The following KCNH5 variants were observed in gnomAD, a reference collection of about 807,000 sequenced individuals.
KCNH5 encodes the protein potassium voltage-gated channel subfamily H member 5.
In KCNH5, 46 loss-of-function variants were observed where a neutral mutation model predicts 96.1. The observed-to-expected ratio is 0.48, with a 90% CI of 0.38 to 0.61. The LOEUF is 0.61. KCNH5 is among the 20% of genes least tolerant of loss of function. KCNH5 has a pLI of 0.00. For missense variants in KCNH5, 907 were observed against 1,225.8 expected (o/e 0.74, Z 3.88); for synonymous variants, 439 against 449.8 (o/e 0.98, Z 0.30).
chr14:63,045,029 T>C, intron 1 of KCNH5, 85 bp downstream of exon 1: 2 of 1,094,858 alleles, frequency 1.8e-6, no homozygotes, highest in South Asian at 1.3e-5. Flanking sequence ...TCCTCCCCCC[T>C]TGGGAGAGGG....
chr14:62,847,585 A>T (rs1333146509), intron 8 of KCNH5, among the ~76,000 whole-genome samples: 1 of 152,206 alleles, frequency 6.6e-6, no homozygotes, highest in Non-Finnish European at 1.5e-5. Context: ...AAACAACTTT[A>T]AGGATTCCTC....
chr14:62,814,987 T>C (rs1157660613), intron 8 of KCNH5, among the ~76,000 whole-genome samples: 4 of 152,070 alleles, frequency 2.6e-5, no homozygotes, highest in Admixed American at 6.6e-5. Flanking sequence ...GGGTATAGCA[T>C]ATATACAGTG....
chr14:62,751,064 G>C (rs1057419272), intron 10 of KCNH5, among the ~76,000 whole-genome samples: 1 of 152,004 alleles, frequency 6.6e-6, no homozygotes, highest in African/African-American at 2.4e-5. Flanking sequence ...TTCAAAGTTT[G>C]GCATACTTTA....
At chr14:62,814,810 A>G (rs1417520789) in intron 8 of KCNH5, among the ~76,000 whole-genome samples, 2 of 149,644 alleles carry the variant, frequency 1.3e-5, no homozygotes, top group Non-Finnish European at 3.0e-5. Flanking sequence ...AAAAAAAAAA[A>G]AGAATGAGTC....
chr14:62,728,061 A>C (rs1884970864), intron 10 of KCNH5, among the ~76,000 whole-genome samples: 1 of 151,048 alleles, frequency 6.6e-6, no homozygotes, highest in African/African-American at 2.4e-5. Context: ...TATGTCTATC[A>C]GCAGAGTTTC....
intron 10 of KCNH5, among the ~76,000 whole-genome samples, chr14:62,713,092 C>T (rs1270055157): frequency 6.6e-6 from 1 of 152,110 alleles, no homozygotes; most frequent in Non-Finnish European, 1.5e-5. Context: ...TGCTATATCT[C>T]TAGTGTCTGT....
rs143482162 is a variant in KCNH5 at position 62,852,169 on chromosome 14, C to G, written c.1370-2317G>C. The stretch of plus-strand genomic sequence containing the variant: ...TGATCAAATCAGGGTAATTGGTTAT[C>G]ATTTCTTTGTGTTAGGAACATTCCA... On this transcript the variant is annotated intron_variant, in intron 7 of 10. Coordinates refer to ENST00000322893, the MANE Select transcript of KCNH5 (RefSeq NM_139318.5). 1.9e-4 allele frequency among the ~76,000 whole-genome samples: 29 copies of G among 152,160 alleles called. No homozygotes were observed. The East Asian group carries it at 4.6e-3, about 24-fold the overall frequency.
At chr14:62,852,021 G>A (rs528636080) in intron 7 of KCNH5, among the ~76,000 whole-genome samples, 1 of 152,084 alleles carries the variant, frequency 6.6e-6, no homozygotes, top group Non-Finnish European at 1.5e-5. Context: ...ATCCCATTAA[G>A]TTTGGCCTAT....
chr14:62,739,166 A>G (rs1216617943), intron 10 of KCNH5, among the ~76,000 whole-genome samples: 2 of 152,166 alleles, frequency 1.3e-5, no homozygotes, highest in Non-Finnish European at 2.9e-5. Flanking sequence ...ATTCACTCCA[A>G]TACAAATCAT....
At chr14:62,747,515 G>A (rs1206772368) in intron 10 of KCNH5, among the ~76,000 whole-genome samples, 21 of 152,184 alleles carry the variant, frequency 1.4e-4, no homozygotes, top group Admixed American at 1.4e-3. Context: ...ATGGTTATAA[G>A]GACAGTATCT....
chr14:62,934,136 C>CTT (rs71451286), intron 7 of KCNH5, among the ~76,000 whole-genome samples: 30,304 of 141,342 alleles, frequency 0.21, 4,310 homozygotes, highest in African/African-American at 0.41. Flanking sequence ...TTCTTTCTTT[C>CTT]TTTTTTTTTT....
At chr14:62,883,757 C>CAAT (rs539787143) in intron 7 of KCNH5, among the ~76,000 whole-genome samples, 10 of 151,168 alleles carry the variant, frequency 6.6e-5, no homozygotes, top group African/African-American at 2.2e-4. Flanking sequence ...ATATGTAGTA[C>CAAT]AATAATAATA....
chr14:62,829,684 C>T (rs1887302202), intron 8 of KCNH5, among the ~76,000 whole-genome samples: 1 of 152,184 alleles, frequency 6.6e-6, no homozygotes, highest in African/African-American at 2.4e-5. Flanking sequence ...CCCTCCTAGG[C>T]CTTCGGGTCT....
At chr14:62,974,701 T>C in intron 6 of KCNH5, among the ~76,000 whole-genome samples, 1 of 152,188 alleles carries the variant, frequency 6.6e-6, no homozygotes, top group East Asian at 1.9e-4. Flanking sequence ...TATCGTAATT[T>C]TCAGACTCAT....
chr14:62,753,030 G>A (rs973885331), intron 10 of KCNH5, among the ~76,000 whole-genome samples: 1 of 152,188 alleles, frequency 6.6e-6, no homozygotes, highest in African/African-American at 2.4e-5. Context: ...ATCCCAGAGA[G>A]ACAGAGATAT....
At chr14:62,954,334 C>T (rs1207978001) in intron 6 of KCNH5, among the ~76,000 whole-genome samples, 2 of 152,174 alleles carry the variant, frequency 1.3e-5, no homozygotes, top group East Asian at 1.9e-4. Flanking sequence ...AGTTTCTGCA[C>T]ATCTCTATTA....
intron 1 of KCNH5, among the ~76,000 whole-genome samples, chr14:63,032,247 G>T (rs529002661): frequency 3.8e-4 from 57 of 151,920 alleles, no homozygotes; most frequent in African/African-American, 1.3e-3. Flanking sequence ...CACAGCTCTC[G>T]CTCTCAAAGC....
At chr14:62,957,809 C>G (rs969406122) in intron 6 of KCNH5, among the ~76,000 whole-genome samples, 1 of 152,174 alleles carries the variant, frequency 6.6e-6, no homozygotes, top group Non-Finnish European at 1.5e-5. Flanking sequence ...ACTACTCAGG[C>G]CCTAGCCAAC....
intron 7 of KCNH5, among the ~76,000 whole-genome samples, chr14:62,921,935 T>C (rs1889387576): frequency 1.3e-5 from 2 of 152,066 alleles, no homozygotes; most frequent in South Asian, 4.1e-4. Context: ...TAACAATAAT[T>C]TTGTACTTAA....
Sources: gnomAD v4.1 joint callset for allele counts (sites outside exome capture counted in the v4.1 genomes callset) on GRCh38, gnomAD v4.1.1 for gene constraint, MANE v1.5 for transcripts, NCBI Gene and HGNC (gene_info 2026-07-23, HGNC 2026-07-21) for gene names.